The following TTC28 variants were observed in gnomAD, a reference collection of about 807,000 sequenced individuals.
The protein encoded by TTC28 is tetratricopeptide repeat domain 28.
Under a neutral mutation model 198.0 loss-of-function variants are expected in TTC28, and 61 were observed. That is an observed-to-expected ratio of 0.31 (90% CI 0.25 to 0.38). TTC28 has a LOEUF of 0.38. TTC28 is among the 10% of genes least tolerant of loss of function. The pLI, the probability that TTC28 is intolerant of heterozygous loss-of-function variation, is 1.00. For missense variants in TTC28, 2,678 were observed against 3,164.0 expected (o/e 0.85, Z 3.69); for synonymous variants, 1,171 against 1,297.8 (o/e 0.90, Z 2.10).
At chr22:28,042,920 G>A (rs1242534108) in intron 12 of TTC28, among the ~76,000 whole-genome samples, 1 of 152,014 alleles carries the variant, frequency 6.6e-6, no homozygotes, top group Non-Finnish European at 1.5e-5. Context: ...GCTTTGGAGC[G>A]AGCTCTGACC....
At chr22:28,250,725 AT>A (rs1308832699) in intron 5 of TTC28, among the ~76,000 whole-genome samples, 3 of 152,220 alleles carry the variant, frequency 2.0e-5, no homozygotes, top group Non-Finnish European at 2.9e-5. Flanking sequence ...AGACACAACC[AT>A]TTATTTTTCC....
chr22:28,673,429 TC>T (rs1309360018), intron 1 of TTC28, among the ~76,000 whole-genome samples: 2 of 152,068 alleles, frequency 1.3e-5, no homozygotes, highest in African/African-American at 2.4e-5. Context: ...GTATGTAGCT[TC>T]CCCCCCTTAC....
At chr22:28,503,698 A>G (rs977565345) in intron 2 of TTC28, among the ~76,000 whole-genome samples, 1 of 152,238 alleles carries the variant, frequency 6.6e-6, no homozygotes, top group African/African-American at 2.4e-5. Flanking sequence ...TAATAGTATT[A>G]GCTAAGAACT....
At chr22:28,650,048 A>C (rs1375758891) in intron 1 of TTC28, among the ~76,000 whole-genome samples, 1 of 152,144 alleles carries the variant, frequency 6.6e-6, no homozygotes, top group Non-Finnish European at 1.5e-5. Flanking sequence ...ATTTTTGTGA[A>C]GGTATAATCA....
At chr22:28,678,175 T>C (rs984669992) in intron 1 of TTC28, among the ~76,000 whole-genome samples, 1 of 152,192 alleles carries the variant, frequency 6.6e-6, no homozygotes, top group Non-Finnish European at 1.5e-5. Context: ...TGATTCAGAA[T>C]TAATTTTAAC....
intron 2 of TTC28, among the ~76,000 whole-genome samples, chr22:28,452,802 G>A (rs1017462439): frequency 2.0e-5 from 3 of 152,140 alleles, no homozygotes; most frequent in Non-Finnish European, 4.4e-5. Context: ...AATATCTCAT[G>A]ACAGCAACCA....
chr22:28,587,512 T>C (rs2050339523), intron 2 of TTC28, among the ~76,000 whole-genome samples: 1 of 152,182 alleles, frequency 6.6e-6, no homozygotes, highest in African/African-American at 2.4e-5. Context: ...TTATTTATTT[T>C]ATTTATTGAG....
chr22:28,560,399 C>T (rs1371170874), intron 2 of TTC28, among the ~76,000 whole-genome samples: 3 of 152,176 alleles, frequency 2.0e-5, no homozygotes, highest in African/African-American at 4.8e-5. Context: ...CTGCTCAAAA[C>T]TTTCCAATGG....
chr22:28,163,040 A>G (rs1712569477), intron 6 of TTC28, 52 bp downstream of exon 6: 1 of 1,484,472 alleles, frequency 6.7e-7, no homozygotes, highest in Admixed American at 2.4e-5. Flanking sequence ...TACTCCAGCT[A>G]TTTCCAGCTC....
intron 2 of TTC28, among the ~76,000 whole-genome samples, chr22:28,366,785 T>C (rs2046254776): frequency 6.6e-6 from 1 of 152,004 alleles, no homozygotes; most frequent in South Asian, 2.1e-4. Flanking sequence ...CAGGGTTAGC[T>C]ACCCTTATAT....
Position 28,401,593 on chromosome 22 carries a change from C to A in TTC28, c.382-94950G>T, listed in dbSNP as rs113365274. Among the ~76,000 whole-genome samples, 68 of 152,108 alleles carry A rather than the reference C, an allele frequency of 4.5e-4. 1 individual carries two copies. Among genetic ancestry groups the A allele is most frequent in the Admixed American group, 1.3e-3 (20 of 15,292 alleles). ...TCGCACCACTGTACTCCAGCATGGG[C>A]AACAGAGCAAGACTGTCTCAAAAAA... On this transcript the variant is annotated intron_variant, in intron 2 of 22. Coordinates refer to ENST00000397906, the MANE Select transcript of TTC28 (RefSeq NM_001145418.2).
At chr22:28,633,462 C>T (rs1268605798) in intron 1 of TTC28, among the ~76,000 whole-genome samples, 2 of 151,952 alleles carry the variant, frequency 1.3e-5, no homozygotes, top group Non-Finnish European at 2.9e-5. Flanking sequence ...GACCCTGTCT[C>T]TACAAAAAAG....
At chr22:28,374,498 A>G (rs2146001559) in intron 2 of TTC28, among the ~76,000 whole-genome samples, 1 of 152,320 alleles carries the variant, frequency 6.6e-6, no homozygotes. Flanking sequence ...CTGGGAAGCA[A>G]TATGGGTAGT....
intron 6 of TTC28, among the ~76,000 whole-genome samples, chr22:28,136,953 T>A (rs1423577926): frequency 6.6e-6 from 1 of 152,212 alleles, no homozygotes; most frequent in Non-Finnish European, 1.5e-5. Flanking sequence ...GATGGACTGC[T>A]GAGGTTCCAC....
rs369059935 is a variant in TTC28, at chr22:27,981,523, ATTTTTTTT to A, written c.*690_*697del. 1 of 149,732 alleles carries A rather than the reference ATTTTTTTT, an allele frequency of 6.7e-6. No homozygotes were observed. The highest frequency in any genetic ancestry group is 2.5e-5 in the African/African-American group (1 of 40,778). The allele number at this position is 149,732 out of a possible 1,614,324, so 9.3% of individuals were successfully genotyped here. A position where few individuals can be genotyped will look rare whatever the true frequency, so the allele number is the denominator to read the frequency against. On this transcript the variant is annotated 3_prime_UTR_variant, in exon 23 of 23. Transcript: ENST00000397906. ...AAAATGCCTGGATAAGAGTTACATA[ATTTTTTTT>A]TTAAGAAAATTCAAGTTTGGTTGAC...
chr22:28,281,345 G>A (rs2044579005), intron 5 of TTC28, among the ~76,000 whole-genome samples: 1 of 151,786 alleles, frequency 6.6e-6, no homozygotes, highest in Admixed American at 6.6e-5. Flanking sequence ...CTGTCTTCAA[G>A]TTCATGTCTC....
chr22:28,610,575 A>G (rs1334471214), intron 2 of TTC28, among the ~76,000 whole-genome samples: 1 of 152,182 alleles, frequency 6.6e-6, no homozygotes, highest in Non-Finnish European at 1.5e-5. Flanking sequence ...TGGAGACACC[A>G]TCAAAGACCA....
rs558707574 is a variant in TTC28, at chr22:28,197,032, C to T, written c.934-33433G>A. On this transcript the variant is annotated intron_variant, in intron 5 of 22. Coordinates refer to ENST00000397906, the MANE Select transcript of TTC28 (RefSeq NM_001145418.2). ...ACTTGGAACCAACCCAAATGTCCAA[C>T]AATGATAGACTGGATTAAGAAAATG... Among the ~76,000 whole-genome samples the T allele has an allele frequency of 9.3e-4, 142 of 152,034 alleles. 1 individual carries two copies. Among genetic ancestry groups the T allele is most frequent in the African/African-American group, 3.3e-3 (135 of 41,468 alleles).
At chr22:28,624,681 C>G (rs1479053380) in intron 2 of TTC28, among the ~76,000 whole-genome samples, 1 of 151,956 alleles carries the variant, frequency 6.6e-6, no homozygotes, top group Non-Finnish European at 1.5e-5. Context: ...AGAAATAATG[C>G]CAATCCTACA....
Sources: allele counts gnomAD v4.1 joint callset (sites outside exome capture counted in the v4.1 genomes callset), GRCh38; gene constraint gnomAD v4.1.1; transcripts MANE v1.5; gene names NCBI Gene and HGNC (gene_info 2026-07-23, HGNC 2026-07-21).